The following NEURL1B variants were observed in gnomAD, a reference collection of about 807,000 sequenced individuals.
The protein encoded by NEURL1B is E3 ubiquitin-protein ligase NEURL1B.
In NEURL1B, 13 loss-of-function variants were observed where a neutral mutation model predicts 37.4. The ratio of observed to expected loss-of-function variants is 0.35; its 90% confidence interval spans 0.23 to 0.55. The LOEUF (loss-of-function observed/expected upper bound fraction) is 0.55. Among genes scored for constraint, NEURL1B ranks in the 20% least tolerant of loss-of-function variants. The probability of loss-of-function intolerance (pLI) is 0.89; values close to 1 mark genes in which losing one functional copy is unlikely to be tolerated. For missense variants in NEURL1B, 790 were observed against 879.2 expected, an observed-to-expected ratio of 0.90 and a Z score of 1.28; for synonymous variants, 432 against 426.6, an observed-to-expected ratio of 1.01 and a Z score of -0.16.
At chr5:172,684,214 C>A in intron 3 of NEURL1B, 76 bp downstream of exon 3, 2 of 1,118,408 alleles carry the variant, frequency 1.8e-6, no homozygotes, top group Non-Finnish European at 2.2e-6. Flanking sequence ...TGCGCTCTTC[C>A]CCGGCCCCGC....
Position 172,683,463 on chromosome 5 carries a change from G to T in NEURL1B, c.622G>T (p.Ala208Ser), listed in dbSNP as rs1261317748. 8 of 1,472,628 alleles carry T rather than the reference G, an allele frequency of 5.4e-6. No individual in the cohort carries two copies. In the African/African-American group the frequency reaches 1.0e-4, roughly 19 times the overall value. 91.2% of individuals were successfully genotyped at this position (1,472,628 alleles called of 1,614,324 possible). ...GCTGACGCCCGCGCGCCTCAGCCAG[G>T]CCCGCTTCAGCGCCTGCCTGCCGCC... ...DTLTPARLSQ[A>S]RFSACLPPSS... Residue 208 changes from alanine (A) to serine (S), a missense_variant, in exon 3 of 5, where the codon GCC (alanine) becomes TCC (serine). By Grantham distance (99) the Ala-to-Ser change is moderately conservative. Around this residue, in one of 3 missense-constraint regions of NEURL1B, gnomAD observed 460 missense variants for 407.4 expected, o/e 1.13. Transcript: ENST00000369800. The surrounding 1 kb of genome is among the most constrained non-coding windows in gnomAD (Gnocchi z 5.6).
At position 172,641,490 on chromosome 5, in the gene NEURL1B, G is replaced by A. The variant is rs1757458739; in HGVS notation, c.31+53G>A. ...CGGGCGCCGGGCTTCTCTCCTCCGGGGGACCCGCTGGGTGACTCTGGAGAG... is the reference window on the plus strand; with the variant it reads ...CGGGCGCCGGGCTTCTCTCCTCCGGAGGACCCGCTGGGTGACTCTGGAGAG... On this transcript the variant is annotated intron_variant, in intron 1 of 4. Transcript: ENST00000369800. The surrounding 1 kb of genome is among the most constrained non-coding windows in gnomAD (Gnocchi z 6.4). 1.1e-5 allele frequency: 14 copies of A among 1,245,916 alleles called. No individual in the cohort carries two copies. The East Asian group carries it at 2.2e-4, about 20-fold the overall frequency. The allele number at this position is 1,245,916 out of a possible 1,614,324, so 77.2% of individuals were successfully genotyped here. A position where few individuals can be genotyped will look rare whatever the true frequency, so the allele number is the denominator to read the frequency against.
chr5:172,672,577 T>C (rs1375653683), intron 2 of NEURL1B, among the ~76,000 whole-genome samples: 1 of 141,286 alleles, frequency 7.1e-6, no homozygotes, highest in Non-Finnish European at 1.5e-5. Flanking sequence ...AGCAAACTCT[T>C]ATTGAACTCC....
rs138220033 is a variant in NEURL1B, at chr5:172,663,829, T to TTTTTTTTTTTTATTATTATTATTA, written c.32-5954_32-5953insTTTTTTTTTATTATTATTATTATT. Among the ~76,000 whole-genome samples, 191 of 140,834 alleles carry TTTTTTTTTTTTATTATTATTATTA rather than the reference T, an allele frequency of 1.4e-3. 4 individuals carry two copies. Among genetic ancestry groups the TTTTTTTTTTTTATTATTATTATTA allele is most frequent in the South Asian group, 2.6e-3 (11 of 4,252 alleles). The allele number at this position is 140,834 out of a possible 152,430, so 92.4% of individuals were successfully genotyped here. A position where few individuals can be genotyped will look rare whatever the true frequency, so the allele number is the denominator to read the frequency against. ...TTCCTGGCAAAAGAGGTTTTATTTG[T>TTTTTTTTTTTTATTATTATTATTA]TTATTATTATTATTATTATTATTAT... On this transcript the variant is annotated intron_variant, in intron 1 of 4. Transcript: ENST00000369800.
intron 2 of NEURL1B, among the ~76,000 whole-genome samples, chr5:172,682,960 A>C (rs1015873223): frequency 6.6e-6 from 1 of 152,234 alleles, no homozygotes; most frequent in Non-Finnish European, 1.5e-5. Flanking sequence ...GAAAGCTTAG[A>C]AGTGCCCGTT....
chr5:172,685,660 A>T (rs566870254), intron 3 of NEURL1B, among the ~76,000 whole-genome samples: 1 of 152,208 alleles, frequency 6.6e-6, no homozygotes, highest in Non-Finnish European at 1.5e-5. Context: ...TATCAGCAGG[A>T]TCCTACCTCT....
intron 1 of NEURL1B, among the ~76,000 whole-genome samples, chr5:172,658,352 T>C (rs994395316): frequency 6.6e-6 from 1 of 152,278 alleles, no homozygotes; most frequent in African/African-American, 2.4e-5. Flanking sequence ...CAGAAGTCCA[T>C]GCGGGCTTCC....
At position 172,686,892 on chromosome 5, in the gene NEURL1B, C is replaced by T; in HGVS notation, c.1635C>T (p.Pro545=). Residue 545 remains proline, a synonymous_variant, in exon 5 of 5, where the codon CCC becomes CCT. Coordinates refer to ENST00000369800, the MANE Select transcript of NEURL1B (RefSeq NM_001142651.3). This position sits in a 1 kb window ranked among gnomAD's most constrained non-coding sequence, Gnocchi z 7.9. ...CCTGCTGCCCCATCTGCCGGCGGCC[C>T]ATCAAGGACGTCATTAAGATCTACA... ...ARACCPICRR[P]IKDVIKIYRP 6.5e-7 allele frequency: 1 copy of T among 1,550,170 alleles called. No individual in the cohort carries two copies. The highest frequency in any genetic ancestry group is 8.7e-7 in the Non-Finnish European group (1 of 1,146,424).
At chr5:172,680,968 G>C (rs182235849) in intron 2 of NEURL1B, among the ~76,000 whole-genome samples, 7 of 152,304 alleles carry the variant, frequency 4.6e-5, no homozygotes, top group African/African-American at 1.7e-4. Context: ...TCTTGGTTCC[G>C]CAGGCTGTAC....
intron 2 of NEURL1B, among the ~76,000 whole-genome samples, chr5:172,682,235 C>A (rs1758367663): frequency 6.6e-6 from 1 of 152,134 alleles, no homozygotes; most frequent in South Asian, 2.1e-4. Flanking sequence ...TTTTTCAAAT[C>A]ACTAAAAAGT....
intron 1 of NEURL1B, among the ~76,000 whole-genome samples, chr5:172,655,255 A>G (rs1246610721): frequency 6.6e-6 from 1 of 151,636 alleles, no homozygotes; most frequent in African/African-American, 2.4e-5. Flanking sequence ...CCCTCAAACC[A>G]GGGGGTGTCT....
rs1757902891 is a variant in NEURL1B at position 172,661,530 on chromosome 5, C to T, written c.32-8255C>T. On this transcript the variant is annotated intron_variant, in intron 1 of 4. Transcript: ENST00000369800. This position sits in a 1 kb window ranked among gnomAD's most constrained non-coding sequence, Gnocchi z 4.0. ...GGAAATCAAGGTGGTAAAACCCACTCTGCAGAGTTTTCCTGAAGATTAAAC... is the reference window on the plus strand; with the variant it reads ...GGAAATCAAGGTGGTAAAACCCACTTTGCAGAGTTTTCCTGAAGATTAAAC... Among the ~76,000 whole-genome samples, 1 of 152,228 alleles carries T rather than the reference C, an allele frequency of 6.6e-6. No homozygotes were observed. The highest frequency in any genetic ancestry group is 1.5e-5 in the Non-Finnish European group (1 of 68,052).
Position 172,686,403 on chromosome 5 carries a change from C to T in NEURL1B, c.1423+107C>T, listed in dbSNP as rs932704122. ...CTGAGCAGGGTGGCCGCCTTTCCCC[C>T]GCATCCTCTCCTTCCCTCAGCTGTA... On this transcript the variant is annotated intron_variant, in intron 4 of 4. Transcript: ENST00000369800. This position sits in a 1 kb window ranked among gnomAD's most constrained non-coding sequence, Gnocchi z 7.9. 27 of 1,194,112 alleles carry T rather than the reference C, an allele frequency of 2.3e-5. No individual in the cohort carries two copies. Among genetic ancestry groups the T allele is most frequent in the African/African-American group, 6.0e-5 (4 of 66,330 alleles). 74.0% of individuals were successfully genotyped at this position (1,194,112 alleles called of 1,614,324 possible). A position where few individuals can be genotyped will look rare whatever the true frequency, so the allele number is the denominator to read the frequency against.
chr5:172,677,095 G>A (rs1054181476), intron 2 of NEURL1B, among the ~76,000 whole-genome samples: 1 of 151,968 alleles, frequency 6.6e-6, no homozygotes, highest in Non-Finnish European at 1.5e-5. Flanking sequence ...TCGGTGAGGG[G>A]CCTGTAAGCA....
In NEURL1B at chr5:172,669,788, C is replaced by G. The variant is rs551238213; in HGVS notation, c.35C>G (p.Pro12Arg). Residue 12 changes from proline (P) to arginine (R), a missense_variant, in exon 2 of 5, where the codon CCG becomes CGG. This residue lies in a region of NEURL1B where 215 missense variants were observed against 309.2 expected (regional missense o/e 0.70). Transcript: ENST00000369800. ...GNTVHRTLPD[P>R]SPPARLLATR... Reference sequence around the variant, plus strand: ...TGCTGCCTGTGTCTTTCCGCAGACCCGAGCCCACCGGCGCGCCTCCTGGCC... The same window carrying G: ...TGCTGCCTGTGTCTTTCCGCAGACCGGAGCCCACCGGCGCGCCTCCTGGCC... 2 of 1,266,054 alleles carry G rather than the reference C, an allele frequency of 1.6e-6. No individual in the cohort carries two copies. Among genetic ancestry groups the G allele is most frequent in the East Asian group, 3.5e-5 (1 of 28,796 alleles). The allele number at this position is 1,266,054 out of a possible 1,614,324, so 78.4% of individuals were successfully genotyped here. A position where few individuals can be genotyped will look rare whatever the true frequency, so the allele number is the denominator to read the frequency against.
chr5:172,664,056 G>T (rs1368060368), intron 1 of NEURL1B, among the ~76,000 whole-genome samples: 1 of 151,880 alleles, frequency 6.6e-6, no homozygotes, highest in Non-Finnish European at 1.5e-5. Context: ...GTGGGGAAAT[G>T]CTTTCGATGT....
chr5:172,684,105 C>A lies in NEURL1B; in HGVS notation c.1264C>A (p.Arg422Ser). The A allele has an allele frequency of 7.9e-7, 1 of 1,266,572 alleles. No homozygotes were observed. The highest frequency in any genetic ancestry group is 9.9e-7 in the Non-Finnish European group (1 of 1,006,054). The allele number at this position is 1,266,572 out of a possible 1,614,324, so 78.5% of individuals were successfully genotyped here. A position where few individuals can be genotyped will look rare whatever the true frequency, so the allele number is the denominator to read the frequency against. ...GGCGCTCTGGGCCTTCTTCGCCGTG[C>A]GCGGCGGCGTCGCGGGCCAGCTGCG... ...TQALWAFFAV[R>S]GGVAGQLRLL... is the part of the protein sequence containing the mutation. Residue 422 changes from arginine (R) to serine (S), a missense_variant, in exon 3 of 5, where the codon CGC (arginine) becomes AGC (serine). Physicochemically the swap from Arg to Ser is moderately radical, Grantham distance 110. Around this residue, in one of 3 missense-constraint regions of NEURL1B, gnomAD observed 460 missense variants for 407.4 expected, o/e 1.13. Coordinates refer to ENST00000369800, the MANE Select transcript of NEURL1B (RefSeq NM_001142651.3).
rs998510671 is a variant in NEURL1B, at chr5:172,657,414, C to T, written c.32-12371C>T. On this transcript the variant is annotated intron_variant, in intron 1 of 4. Coordinates refer to ENST00000369800, the MANE Select transcript of NEURL1B (RefSeq NM_001142651.3). The surrounding 1 kb of genome is among the most constrained non-coding windows in gnomAD (Gnocchi z 4.0). ...AGAAAATGGTTAGAATAAGAATAGTCATAATACAAATTAGATATAGAGATG... is the reference window on the plus strand; with the variant it reads ...AGAAAATGGTTAGAATAAGAATAGTTATAATACAAATTAGATATAGAGATG... Among the ~76,000 whole-genome samples the T allele has an allele frequency of 1.6e-4, 24 of 152,204 alleles. No homozygotes were observed. The Middle Eastern group carries it at 0.01, about 65-fold the overall frequency.
chr5:172,642,308 C>T (rs1034473527), intron 1 of NEURL1B, among the ~76,000 whole-genome samples: 3 of 152,216 alleles, frequency 2.0e-5, no homozygotes, highest in Non-Finnish European at 4.4e-5. Flanking sequence ...CAAGGTCACA[C>T]AGCTAGTAGT....
Sources: gnomAD v4.1 joint callset for allele counts (sites outside exome capture counted in the v4.1 genomes callset) on GRCh38, gnomAD v4.1.1 for gene constraint, gnomAD v4.1.1 regional missense constraint, Gnocchi (gnomAD v3.1) non-coding constraint, MANE v1.5 for transcripts, NCBI Gene and HGNC (gene_info 2026-07-23, HGNC 2026-07-21) for gene names.